Variants in HACD2 observed in about 807,000 individuals in gnomAD.
The protein encoded by HACD2 is 3-hydroxyacyl-CoA dehydratase 2.
In HACD2, 15 loss-of-function variants were observed where a neutral mutation model predicts 31.0. The ratio of observed to expected loss-of-function variants is 0.48; its 90% CI spans 0.32 to 0.75. The LOEUF (loss-of-function observed/expected upper bound fraction) is 0.75. Ranked by LOEUF, HACD2 falls within the 30% of genes least tolerant of loss-of-function variation. The pLI is 0.03. For synonymous variants in HACD2, 115 were observed against 122.2 expected (o/e 0.94, Z 0.39); for missense variants, 283 against 313.0 (o/e 0.90, Z 0.72).
intron 3 of HACD2, among the ~76,000 whole-genome samples, chr3:123,551,743 TTATC>T (rs1167997478): frequency 2.6e-5 from 4 of 152,182 alleles, no homozygotes; most frequent in African/African-American, 9.7e-5. Flanking sequence ...TTCTGGAAAT[TTATC>T]TATAGAGATT....
chr3:123,582,522 C>G (rs1168598384), intron 1 of HACD2, among the ~76,000 whole-genome samples, 193 bp from the exon 2 acceptor site: 1 of 152,108 alleles, frequency 6.6e-6, no homozygotes, highest in Non-Finnish European at 1.5e-5. Flanking sequence ...CAGCACCTTA[C>G]CAAGAGGGCT....
At chr3:123,503,175 G>C (rs934214508) in intron 4 of HACD2, among the ~76,000 whole-genome samples, 1 of 151,880 alleles carries the variant, frequency 6.6e-6, no homozygotes, top group Non-Finnish European at 1.5e-5. Context: ...TGAGGCAGGA[G>C]AGTCGCTTGA....
chr3:123,520,916 T>A (rs2107699304), intron 4 of HACD2, among the ~76,000 whole-genome samples: 1 of 152,310 alleles, frequency 6.6e-6, no homozygotes, highest in South Asian at 2.1e-4. Flanking sequence ...GGAGAACTAC[T>A]ATTTTAAGCC....
intron 4 of HACD2, among the ~76,000 whole-genome samples, chr3:123,524,968 G>A (rs73857658): frequency 0.11 from 16,646 of 152,242 alleles, 1,434 homozygotes; most frequent in African/African-American, 0.24. Context: ...TGTTAAGAGA[G>A]AATGATCATA....
chr3:123,516,734 C>T (rs986338915), intron 4 of HACD2, among the ~76,000 whole-genome samples: 1 of 152,200 alleles, frequency 6.6e-6, no homozygotes, highest in Non-Finnish European at 1.5e-5. Flanking sequence ...AATCAACAAG[C>T]GATACATGAT....
intron 3 of HACD2, chr3:123,543,591 T>TA (rs1323956288): frequency 3.3e-6 from 1 of 300,136 alleles, no homozygotes; most frequent in East Asian, 1.0e-4. Flanking sequence ...AATTACTTAT[T>TA]AAAAAAATAA....
At chr3:123,541,878 G>GTATA (rs1231715427) in intron 3 of HACD2, among the ~76,000 whole-genome samples, 2 of 152,136 alleles carry the variant, frequency 1.3e-5, no homozygotes, top group Non-Finnish European at 2.9e-5. Context: ...AACATTTAAA[G>GTATA]TATATAAAGA....
Position 123,532,842 on chromosome 3 carries a change from A to C in HACD2, c.293-4368T>G, listed in dbSNP as rs1004329619. On this transcript the variant is annotated intron_variant, in intron 3 of 6. Transcript: ENST00000383657. ...GAGTGAGACTCCGTCTCAAAAAAAA[A>C]AAAAAAAAAAAAAAAAAGACTGTCA... 1.5e-4 allele frequency among the ~76,000 whole-genome samples: 22 copies of C among 151,122 alleles called. No homozygotes were observed. In the East Asian group the frequency reaches 2.4e-3, roughly 16 times the overall value.
chr3:123,518,592 A>G (rs1283167376), intron 4 of HACD2, among the ~76,000 whole-genome samples: 1 of 152,238 alleles, frequency 6.6e-6, no homozygotes, highest in Non-Finnish European at 1.5e-5. Flanking sequence ...CTTTTCTTTA[A>G]GGCAATGACC....
intron 4 of HACD2, among the ~76,000 whole-genome samples, chr3:123,522,232 T>C (rs939576739): frequency 1.1e-4 from 16 of 150,702 alleles, no homozygotes; most frequent in African/African-American, 3.2e-4. Context: ...GGCTGGAGAA[T>C]AGCTTGATCC....
intron 4 of HACD2, among the ~76,000 whole-genome samples, chr3:123,526,646 T>TGAG (rs2056287860): frequency 6.6e-6 from 1 of 152,098 alleles, no homozygotes; most frequent in Admixed American, 6.6e-5. Context: ...ATATAACAAA[T>TGAG]TACTGTAAAG....
intron 3 of HACD2, among the ~76,000 whole-genome samples, chr3:123,553,205 A>G (rs1371059730): frequency 6.6e-6 from 1 of 152,230 alleles, no homozygotes; most frequent in Non-Finnish European, 1.5e-5. Flanking sequence ...ATTTACAGAG[A>G]CAGAGAGAGA....
chr3:123,532,537 A>G (rs565541941), intron 3 of HACD2, among the ~76,000 whole-genome samples: 41 of 152,338 alleles, frequency 2.7e-4, no homozygotes, highest in African/African-American at 9.9e-4. Flanking sequence ...GGTGAATTTC[A>G]TAAGAAACTA....
chr3:123,506,999 T>G (rs768460367), intron 4 of HACD2, among the ~76,000 whole-genome samples: 1 of 152,236 alleles, frequency 6.6e-6, no homozygotes, highest in Non-Finnish European at 1.5e-5. Flanking sequence ...GGCTCTTGCC[T>G]ATAATCCCAG....
chr3:123,546,251 T>C (rs1477182155), intron 3 of HACD2, among the ~76,000 whole-genome samples: 2 of 152,314 alleles, frequency 1.3e-5, no homozygotes, highest in East Asian at 3.9e-4. Flanking sequence ...GTACTATCAC[T>C]ATGTGCTATT....
intron 3 of HACD2, among the ~76,000 whole-genome samples, chr3:123,551,187 C>T (rs143069611): frequency 2.6e-4 from 39 of 152,226 alleles, no homozygotes; most frequent in Non-Finnish European, 4.3e-4. Context: ...CTTACCCTTT[C>T]GGCGAAACAT....
intron 4 of HACD2, among the ~76,000 whole-genome samples, chr3:123,514,048 G>A (rs1271536888): frequency 6.6e-6 from 1 of 152,202 alleles, no homozygotes; most frequent in Non-Finnish European, 1.5e-5. Context: ...GCTGAGGCGG[G>A]CGGATTGCTT....
chr3:123,521,574 G>A (rs2056215548), intron 4 of HACD2, among the ~76,000 whole-genome samples: 1 of 149,342 alleles, frequency 6.7e-6, no homozygotes, highest in Non-Finnish European at 1.5e-5. Context: ...GTGTATATCA[G>A]ATTTTAGCCC....
At chr3:123,511,953 T>C (rs1217329571) in intron 4 of HACD2, among the ~76,000 whole-genome samples, 1 of 152,088 alleles carries the variant, frequency 6.6e-6, no homozygotes, top group East Asian at 1.9e-4. Context: ...TAGCTCCTCT[T>C]CGCCATGTGA....
Sources: gnomAD v4.1 joint callset for allele counts (sites outside exome capture counted in the v4.1 genomes callset) on GRCh38, gnomAD v4.1.1 for gene constraint, MANE v1.5 for transcripts, NCBI Gene and HGNC (gene_info 2026-07-23, HGNC 2026-07-21) for gene names.